Variants in NOTCH2 observed in about 807,000 individuals in gnomAD.
NOTCH2 encodes notch receptor 2.
NOTCH2 carries 29 observed loss-of-function variants against 235.8 expected under a neutral mutation model. The observed-to-expected ratio is 0.12, with a 90% CI of 0.09 to 0.17. The LOEUF is 0.17. Ranked by LOEUF, NOTCH2 falls within the 10% of genes least tolerant of loss-of-function variation. NOTCH2 has a pLI of 1.00. For missense variants in NOTCH2, 2,285 were observed against 3,150.2 expected (o/e 0.73, Z 6.57); for synonymous variants, 1,086 against 1,141.5 (o/e 0.95, Z 0.98).
intron 4 of NOTCH2, 160 bp downstream of exon 4, chr1:119,996,837 G>C (rs587656232): frequency 1.3e-6 from 1 of 798,442 alleles, no homozygotes; most frequent in Admixed American, 1.9e-5. Context: ...ATGGACCACA[G>C]TGGGCCCATA....
At chr1:120,011,840 C>A (rs1174828766) in intron 2 of NOTCH2, among the ~76,000 whole-genome samples, 6 of 149,082 alleles carry the variant, frequency 4.0e-5, no homozygotes, top group Non-Finnish European at 8.9e-5. Context: ...CACAGTGAAA[C>A]CCTGTCTCTA....
In NOTCH2 at chr1:119,912,568, G is replaced by C; in HGVS notation, c.*2738C>G. On this transcript the variant is annotated 3_prime_UTR_variant, in exon 34 of 34. Transcript: ENST00000256646. ...AGAAAATGATGCTTAAAACAAAACA[G>C]AGGAAGCAAATAAACAAACAAAAAA... is the stretch of plus-strand genomic sequence containing the variant. 1 of 232,878 alleles carries C rather than the reference G, an allele frequency of 4.3e-6. No homozygotes were observed. The highest frequency in any genetic ancestry group is 8.5e-6 in the Non-Finnish European group (1 of 117,948). The allele number at this position is 232,878 out of a possible 1,614,324, so 14.4% of individuals were successfully genotyped here. A position where few individuals can be genotyped will look rare whatever the true frequency, so the allele number is the denominator to read the frequency against.
chr1:120,036,822 A>AAGGCTAAGGTATCC, intron 1 of NOTCH2, among the ~76,000 whole-genome samples: 1 of 151,178 alleles, frequency 6.6e-6, no homozygotes, highest in East Asian at 2.0e-4. Flanking sequence ...ATTTAAGGAT[A>AAGGCTAAGGTATCC]AGGCTAAGGT....
At chr1:119,971,460 C>T (rs1384032770) in intron 5 of NOTCH2, among the ~76,000 whole-genome samples, 2 of 152,178 alleles carry the variant, frequency 1.3e-5, no homozygotes, top group Non-Finnish European at 2.9e-5. Context: ...GGAGTAGGAC[C>T]ACTTTGCCAC....
chr1:119,918,560 G>T lies in NOTCH2; in HGVS notation c.5782-7C>A. On this transcript the variant is annotated splice_region_variant and splice_polypyrimidine_tract_variant and intron_variant, in intron 31 of 33. Transcript: ENST00000256646. ...CTCGGTTGCGAATCAGAATCTAGAA[G>T]AGGAGAAAGTACAGAAAAGAGAGTC... 6.2e-7 allele frequency: 1 copy of T among 1,613,984 alleles called. No individual in the cohort carries two copies. The highest frequency in any genetic ancestry group is 8.5e-7 in the Non-Finnish European group (1 of 1,179,932).
Position 119,967,613 on chromosome 1 carries a change from T to A in NOTCH2, c.1273A>T (p.Asn425Tyr). 1 of 1,614,046 alleles carries A rather than the reference T, an allele frequency of 6.2e-7. No homozygotes were observed. Residue 425 changes from asparagine to tyrosine, a missense_variant, in exon 8 of 34, where the codon AAT becomes TAT. This residue lies in a region of NOTCH2 where 431 missense variants were observed against 757.8 expected (regional missense o/e 0.57). Transcript: ENST00000256646. ...CATTTTCCTGCATGCTCACAAGGAT[T>A]GCTATTGGCTGAAAGACACAAGTAC... is the stretch of plus-strand genomic sequence containing the variant. Reference protein sequence around the residue: ...DVDECAMANSNPCEHAGKCVN... With the variant: ...DVDECAMANSYPCEHAGKCVN...
At chr1:119,947,567 A>G (rs1650305602) in intron 17 of NOTCH2, among the ~76,000 whole-genome samples, 1 of 152,232 alleles carries the variant, frequency 6.6e-6, no homozygotes, top group Admixed American at 6.5e-5. Flanking sequence ...GAGAATGAAA[A>G]TAGTACAACC....
At chr1:119,947,307 C>T (rs587773910) in intron 17 of NOTCH2, among the ~76,000 whole-genome samples, 1 of 152,232 alleles carries the variant, frequency 6.6e-6, no homozygotes, top group East Asian at 1.9e-4. Flanking sequence ...ATACAAAGAA[C>T]TCTTTCAACT....
chr1:119,928,758 C>T (rs1649555869), intron 23 of NOTCH2, among the ~76,000 whole-genome samples: 1 of 152,062 alleles, frequency 6.6e-6, no homozygotes, highest in South Asian at 2.1e-4. Context: ...AATCAATGCA[C>T]AACAAAAGAA....
rs1466668633 is a variant in NOTCH2 at position 120,064,730 on chromosome 1, G to A, written c.73+4604C>T. Among the ~76,000 whole-genome samples the A allele has an allele frequency of 2.3e-4, 31 of 133,086 alleles. 1 individual carries two copies. The highest frequency in any genetic ancestry group is 4.1e-4 in the Non-Finnish European group (27 of 65,584). 87.3% of individuals were successfully genotyped at this position (133,086 alleles called of 152,430 possible). ...CATCTTTAGTTTTTGTCAGTAGGGTGTTCAGGGGACTCTCTTGGTTCAAAA... is the reference window on the plus strand; with the variant it reads ...CATCTTTAGTTTTTGTCAGTAGGGTATTCAGGGGACTCTCTTGGTTCAAAA... On this transcript the variant is annotated intron_variant, in intron 1 of 33. Transcript: ENST00000256646.
chr1:120,045,912 C>T (rs1385719897), intron 1 of NOTCH2, among the ~76,000 whole-genome samples: 1 of 152,262 alleles, frequency 6.6e-6, no homozygotes, highest in African/African-American at 2.4e-5. Flanking sequence ...TCCACTGGGG[C>T]ACTGGAAGAA....
intron 15 of NOTCH2, among the ~76,000 whole-genome samples, chr1:119,949,934 A>C (rs1650404873): frequency 6.6e-6 from 1 of 152,222 alleles, no homozygotes; most frequent in Admixed American, 6.5e-5. Context: ...AAATAGATGA[A>C]GAGGAGATAA....
intron 4 of NOTCH2, chr1:119,994,493 A>T (rs1390414028): frequency 2.3e-5 from 3 of 132,530 alleles, no homozygotes; most frequent in Admixed American, 7.5e-5. Context: ...AGTCTATGTA[A>T]CTACTTTTAA....
In NOTCH2 at chr1:119,959,222, T is replaced by C. The variant is rs587624572; in HGVS notation, c.2026+170A>G. 2.0e-5 allele frequency among the ~76,000 whole-genome samples: 3 copies of C among 152,340 alleles called. No homozygotes were observed. In the South Asian group the frequency reaches 6.2e-4, roughly 32 times the overall value. ...AATTAATGAAAAGTATGTTTCAGTT[T>C]AGAAAAGGTCTGTGAACAGAAAACT... On this transcript the variant is annotated intron_variant, in intron 12 of 33. Coordinates refer to ENST00000256646, the MANE Select transcript of NOTCH2 (RefSeq NM_024408.4).
intron 2 of NOTCH2, among the ~76,000 whole-genome samples, chr1:120,017,262 C>T (rs1164867148): frequency 8.0e-5 from 11 of 137,706 alleles, no homozygotes; most frequent in South Asian, 2.7e-4. Flanking sequence ...CCTCTGTACA[C>T]GCTGTTCAGT....
intron 1 of NOTCH2, among the ~76,000 whole-genome samples, chr1:120,065,067 C>G (rs1166334749): frequency 3.3e-5 from 5 of 151,896 alleles, no homozygotes; most frequent in Admixed American, 3.3e-4. Flanking sequence ...AAGTGAGATT[C>G]CAAAGTCAAA....
chr1:120,069,112 G>A, intron 1 of NOTCH2: 1 of 1,522,716 alleles, frequency 6.6e-7, no homozygotes, highest in Non-Finnish European at 8.8e-7. Flanking sequence ...AGGGGTCCCG[G>A]GCCGCGGGGA....
At chr1:119,951,037 A>C (rs587753223) in intron 14 of NOTCH2, among the ~76,000 whole-genome samples, 200 bp from the exon 15 acceptor site, 1 of 152,358 alleles carries the variant, frequency 6.6e-6, no homozygotes, top group South Asian at 2.1e-4. Flanking sequence ...AGTTGAAAAG[A>C]TGAATGGAAA....
Position 119,931,131 on chromosome 1 carries a change from A to G in NOTCH2, c.3656-1919T>C, listed in dbSNP as rs376969725. Among the ~76,000 whole-genome samples the G allele has an allele frequency of 7.5e-4, 114 of 151,960 alleles. 2 individuals carry two copies. The South Asian group carries it at 0.011, about 15-fold the overall frequency. On this transcript the variant is annotated intron_variant, in intron 22 of 33. Coordinates refer to ENST00000256646, the MANE Select transcript of NOTCH2 (RefSeq NM_024408.4). ...AAAAAAAAAAAAAAAGGTACAAAAG[A>G]AAACAGTTCTGTATGTATTCCTGCC...
Sources: gnomAD v4.1 joint callset for allele counts (sites outside exome capture counted in the v4.1 genomes callset) on GRCh38, gnomAD v4.1.1 for gene constraint, gnomAD v4.1.1 regional missense constraint, MANE v1.5 for transcripts, NCBI Gene and HGNC (gene_info 2026-07-23, HGNC 2026-07-21) for gene names.